Variants in PIWIL2 observed in about 807,000 individuals in gnomAD.
PIWIL2 encodes the protein piwi like RNA-mediated gene silencing 2.
PIWIL2 carries 81 observed loss-of-function variants against 116.5 expected under a neutral mutation model. The observed-to-expected ratio is 0.70, with a 90% confidence interval of 0.58 to 0.84. The LOEUF (loss-of-function observed/expected upper bound fraction) is 0.84, where lower values mean the gene tolerates loss of function less well. Among genes scored for constraint, PIWIL2 ranks in the 40% least tolerant of loss-of-function variants. The probability of loss-of-function intolerance (pLI) is 0.00; values close to 1 mark genes in which losing one functional copy is unlikely to be tolerated. For missense variants in PIWIL2, 1,272 were observed against 1,212.3 expected, an observed-to-expected ratio of 1.05 and a Z score of -0.73; for synonymous variants, 489 against 429.5, an observed-to-expected ratio of 1.14 and a Z score of -1.71.
Position 22,326,661 on chromosome 8 carries a change from A to G in PIWIL2, c.2403+8386A>G, listed in dbSNP as rs149960448. Among the ~76,000 whole-genome samples, 907 of 152,282 alleles carry G rather than the reference A, an allele frequency of 6.0e-3. 6 individuals are homozygous for G. Among genetic ancestry groups the G allele is most frequent in the African/African-American group, 0.021 (868 of 41,556 alleles). On this transcript the variant is annotated intron_variant, in intron 20 of 22. Transcript: ENST00000356766. ...TTTCAAGGTTTATCTGTGTTGTAGCATATATTAATACTTTTTTCCTTTTTG... is the reference window on the plus strand; with the variant it reads ...TTTCAAGGTTTATCTGTGTTGTAGCGTATATTAATACTTTTTTCCTTTTTG...
rs149260476 is a variant in PIWIL2 at position 22,317,816 on chromosome 8, C to T, written c.2298-354C>T. Among the ~76,000 whole-genome samples the T allele has an allele frequency of 1.1e-4, 16 of 152,138 alleles. No homozygotes were observed. The East Asian group carries it at 1.6e-3, about 15-fold the overall frequency. ...CTGGGACTACAGGTGTCCGCCACCA[C>T]GCCCGGCTAATTTTTTTTGTACTTT... On this transcript the variant is annotated intron_variant, in intron 19 of 22. Transcript: ENST00000356766.
Position 22,279,414 on chromosome 8 carries a change from G to T in PIWIL2, c.28G>T (p.Gly10Cys), listed in dbSNP as rs1586527575. ...GGATCCTTTCCGACCATCGTTCAGG[G>T]GCCAGTCTCCTATCCACCCATCCCA... MDPFRPSFR[G>C]QSPIHPSQCQ... Residue 10 changes from glycine (G) to cysteine (C), a missense_variant, in exon 2 of 23, where the codon GGC (glycine) becomes TGC (cysteine). Gly to Cys is a radical substitution (Grantham distance 159, BLOSUM62 -3). Coordinates refer to ENST00000356766, the MANE Select transcript of PIWIL2 (RefSeq NM_018068.5). 6.2e-7 allele frequency: 1 copy of T among 1,614,096 alleles called. No individual in the cohort carries two copies. Among genetic ancestry groups the T allele is most frequent in the Non-Finnish European group, 8.5e-7 (1 of 1,180,006 alleles).
chr8:22,323,937 G>A (rs944141477), intron 20 of PIWIL2, among the ~76,000 whole-genome samples: 1 of 152,146 alleles, frequency 6.6e-6, no homozygotes, highest in African/African-American at 2.4e-5. Context: ...ATCACATCTT[G>A]CTCTAAGCCT....
chr8:22,333,338 G>A (rs1419219529), intron 20 of PIWIL2, among the ~76,000 whole-genome samples: 3 of 152,122 alleles, frequency 2.0e-5, no homozygotes. Flanking sequence ...TGGGCTGGGC[G>A]CAGTGGCTCA....
At chr8:22,291,868 A>C (rs1168742180) in intron 10 of PIWIL2, among the ~76,000 whole-genome samples, 1 of 152,206 alleles carries the variant, frequency 6.6e-6, no homozygotes, top group Non-Finnish European at 1.5e-5. Flanking sequence ...AATGTAATAA[A>C]TAAATTGTAT....
chr8:22,311,535 G>A (rs1208033426), intron 16 of PIWIL2, among the ~76,000 whole-genome samples: 2 of 152,160 alleles, frequency 1.3e-5, no homozygotes, highest in East Asian at 3.8e-4. Flanking sequence ...TTACGTAACT[G>A]GCTGAGAGAA....
chr8:22,298,381 C>T (rs1563367558), intron 10 of PIWIL2, among the ~76,000 whole-genome samples: 1 of 152,136 alleles, frequency 6.6e-6, no homozygotes, highest in Non-Finnish European at 1.5e-5. Flanking sequence ...ACTTCTAAAC[C>T]AAAAGGTCTA....
rs748539575 is a variant in PIWIL2, at chr8:22,353,156, C to T, written c.2601C>T (p.Asn867=). Residue 867 remains asparagine (N), a synonymous_variant, in exon 21 of 23, where the codon AAC becomes AAT. Transcript: ENST00000356766. ...ATCTATATCTGGCTGCTCCTCAGAA[C>T]TTTGTAACTCCCACTCCTGGAACTG... ...STNLYLAAPQ[N]FVTPTPGTVV... 12 of 1,614,006 alleles carry T rather than the reference C, an allele frequency of 7.4e-6. No individual in the cohort carries two copies. The highest frequency in any genetic ancestry group is 1.0e-5 in the Non-Finnish European group (12 of 1,179,864).
Position 22,314,449 on chromosome 8 carries a change from G to A in PIWIL2, c.2091+20G>A. On this transcript the variant is annotated intron_variant, in intron 17 of 22. Transcript: ENST00000356766. Reference sequence around the variant, plus strand: ...TCCCAGGTGAGTGGGTGTTGGGGCAGGAGGCGCAGATGGCACCTCTCGCCT... The same window carrying A: ...TCCCAGGTGAGTGGGTGTTGGGGCAAGAGGCGCAGATGGCACCTCTCGCCT... 1.4e-6 allele frequency: 2 copies of A among 1,402,098 alleles called. No homozygotes were observed. The highest frequency in any genetic ancestry group is 2.4e-5 in the East Asian group (1 of 40,916). The allele number at this position is 1,402,098 out of a possible 1,614,324, so 86.9% of individuals were successfully genotyped here.
chr8:22,303,242 G>A (rs1025324709), intron 10 of PIWIL2, among the ~76,000 whole-genome samples: 2 of 152,168 alleles, frequency 1.3e-5, no homozygotes, highest in African/African-American at 2.4e-5. Flanking sequence ...AAACACACCA[G>A]TGTATGTAAG....
At chr8:22,301,706 C>T (rs1480034645) in intron 10 of PIWIL2, among the ~76,000 whole-genome samples, 1 of 148,098 alleles carries the variant, frequency 6.8e-6, no homozygotes. Flanking sequence ...TTGCCTAACT[C>T]GAGGTCGCAA....
At chr8:22,333,179 A>G (rs1334018349) in intron 20 of PIWIL2, among the ~76,000 whole-genome samples, 2 of 152,298 alleles carry the variant, frequency 1.3e-5, no homozygotes, top group South Asian at 2.1e-4. Context: ...GTGTATAACT[A>G]TCAAGATATG....
intron 12 of PIWIL2, 109 bp from the exon 13 acceptor site, chr8:22,305,818 C>T (rs12543697): frequency 0.56 from 417,217 of 747,194 alleles, 122,218 homozygotes; most frequent in East Asian, 0.82. Flanking sequence ...CTCCTTAGTG[C>T]GCAAGGTATA....
intron 20 of PIWIL2, among the ~76,000 whole-genome samples, chr8:22,350,314 G>C (rs1832325564): frequency 6.6e-6 from 1 of 152,132 alleles, no homozygotes; most frequent in Admixed American, 6.5e-5. Context: ...GGGTACTACA[G>C]GCCAGGTATG....
At position 22,283,046 on chromosome 8, in the gene PIWIL2, AG is replaced by A; in HGVS notation, c.441del (p.Ser148ValfsTer57). On this transcript the variant is annotated frameshift_variant, in exon 5 of 23. Coordinates refer to ENST00000356766, the MANE Select transcript of PIWIL2 (RefSeq NM_018068.5). LOFTEE classifies it high-confidence loss of function. ...SVGWSRTLGR[G>X]SSDASLLPLG... ...CTCCACATTTCAGGACGCTTGGAAG[AG>A]GGAGTTCAGATGCGTCTTTATTACC... The A allele has an allele frequency of 6.2e-7, 1 of 1,614,012 alleles. No homozygotes were observed. The highest frequency in any genetic ancestry group is 8.5e-7 in the Non-Finnish European group (1 of 1,179,872).
At position 22,291,609 on chromosome 8, in the gene PIWIL2, A is replaced by C. The variant is rs146099059; in HGVS notation, c.1181+1263A>C. On this transcript the variant is annotated intron_variant, in intron 10 of 22. Transcript: ENST00000356766. ...ATATATCTAATATAATATGATAGTT[A>C]ACTGTATCTTGACAAATTACCCTGT... is the stretch of plus-strand genomic sequence containing the variant. Among the ~76,000 whole-genome samples, 262 of 152,300 alleles carry C rather than the reference A, an allele frequency of 1.7e-3. 2 individuals carry two copies. The highest frequency in any genetic ancestry group is 6.1e-3 in the African/African-American group (254 of 41,568).
At position 22,304,212 on chromosome 8, in the gene PIWIL2, A is replaced by G. The variant is rs1831121874; in HGVS notation, c.1370+3A>G. On this transcript the variant is annotated splice_donor_region_variant and intron_variant, in intron 11 of 22. Transcript: ENST00000356766. ...ATCACATTCTTGGAATACTACAGGT[A>G]GCAAGAAGAGACTGGGTTTGGGCCT... The G allele has an allele frequency of 1.9e-6, 3 of 1,606,870 alleles. No individual in the cohort carries two copies. The highest frequency in any genetic ancestry group is 2.7e-5 in the African/African-American group (2 of 74,816).
intron 20 of PIWIL2, among the ~76,000 whole-genome samples, chr8:22,333,270 T>G (rs1831903187): frequency 6.6e-6 from 1 of 152,092 alleles, no homozygotes; most frequent in Admixed American, 6.6e-5. Flanking sequence ...ACCTAAGTCT[T>G]GAAAACATGC....
intron 2 of PIWIL2, among the ~76,000 whole-genome samples, chr8:22,280,261 C>T: frequency 6.6e-6 from 1 of 152,208 alleles, no homozygotes; most frequent in Admixed American, 6.5e-5. Context: ...GCAGCAGTTT[C>T]TGCCTCTGAG....
Sources: allele counts gnomAD v4.1 joint callset (sites outside exome capture counted in the v4.1 genomes callset), GRCh38; gene constraint gnomAD v4.1.1; transcripts MANE v1.5; gene names NCBI Gene and HGNC (gene_info 2026-07-23, HGNC 2026-07-21).